The following EPHA7 variants were observed in gnomAD, a reference collection of about 807,000 sequenced individuals.
The protein encoded by EPHA7 is ephrin type-A receptor 7.
Under a neutral mutation model 112.6 loss-of-function variants are expected in EPHA7, and 25 were observed. The observed-to-expected ratio is 0.22, with a 90% confidence interval of 0.16 to 0.31. EPHA7 has a LOEUF of 0.31. EPHA7 is among the 10% of genes least tolerant of loss of function. EPHA7 has a pLI of 1.00. For synonymous variants in EPHA7, 437 were observed against 406.5 expected (o/e 1.07, Z -0.90); for missense variants, 962 against 1,212.6 (o/e 0.79, Z 3.07).
At chr6:93,412,747 C>T (rs479927) in intron 2 of EPHA7, among the ~76,000 whole-genome samples, 67,779 of 151,698 alleles carry the variant, frequency 0.45, 15,270 homozygotes, top group East Asian at 0.51. Context: ...ATGATATCTA[C>T]CAAAAAATCA....
chr6:93,254,342 C>T (rs1325683481), intron 14 of EPHA7, among the ~76,000 whole-genome samples: 1 of 152,112 alleles, frequency 6.6e-6, no homozygotes, highest in Non-Finnish European at 1.5e-5. Flanking sequence ...ATGTGATGCT[C>T]CCACTCCAGC....
intron 14 of EPHA7, among the ~76,000 whole-genome samples, chr6:93,253,348 A>C (rs1770299420): frequency 6.6e-6 from 1 of 152,130 alleles, no homozygotes; most frequent in Non-Finnish European, 1.5e-5. Context: ...ATATCAATAG[A>C]TATAACTGAT....
chr6:93,274,793 G>T (rs1001806055), intron 5 of EPHA7, among the ~76,000 whole-genome samples: 1 of 151,920 alleles, frequency 6.6e-6, no homozygotes, highest in East Asian at 1.9e-4. Flanking sequence ...TACAGGAAAC[G>T]TGATTATATT....
chr6:93,405,140 T>A (rs1292116410), intron 3 of EPHA7, among the ~76,000 whole-genome samples: 1 of 151,920 alleles, frequency 6.6e-6, no homozygotes, highest in Non-Finnish European at 1.5e-5. Flanking sequence ...CATTCATTGT[T>A]AGACTACCAT....
At chr6:93,343,517 C>A (rs1486411869) in intron 5 of EPHA7, among the ~76,000 whole-genome samples, 1 of 151,576 alleles carries the variant, frequency 6.6e-6, no homozygotes, top group Non-Finnish European at 1.5e-5. Flanking sequence ...GTTCTTCATT[C>A]CTAAAGGTTA....
chr6:93,287,965 T>A (rs1439744137), intron 5 of EPHA7, among the ~76,000 whole-genome samples: 3 of 152,194 alleles, frequency 2.0e-5, no homozygotes, highest in African/African-American at 7.2e-5. Context: ...GAAAATAGAA[T>A]TCTTTATACG....
chr6:93,247,054 T>G, intron 14 of EPHA7, 69 bp from the exon 15 acceptor site: 2 of 1,311,322 alleles, frequency 1.5e-6, no homozygotes, highest in Non-Finnish European at 2.1e-6. Flanking sequence ...AATTTCCTGG[T>G]AGGCAAAATG....
At chr6:93,250,034 T>G (rs1770134879) in intron 14 of EPHA7, among the ~76,000 whole-genome samples, 1 of 152,166 alleles carries the variant, frequency 6.6e-6, no homozygotes, top group South Asian at 2.1e-4. Context: ...AAAGTGAAAC[T>G]CCTAGCTATA....
At chr6:93,244,371 T>C (rs1350498782) in intron 16 of EPHA7, among the ~76,000 whole-genome samples, 1 of 152,130 alleles carries the variant, frequency 6.6e-6, no homozygotes, top group Non-Finnish European at 1.5e-5. Context: ...GTACGTGACA[T>C]TTCCTGGCAT....
chr6:93,374,330 A>G (rs1324089760), intron 3 of EPHA7, among the ~76,000 whole-genome samples: 1 of 152,148 alleles, frequency 6.6e-6, no homozygotes, highest in African/African-American at 2.4e-5. Context: ...GAATTTATAT[A>G]CATAGACAAA....
At chr6:93,363,302 C>T (rs1390327271) in intron 3 of EPHA7, among the ~76,000 whole-genome samples, 2 of 152,056 alleles carry the variant, frequency 1.3e-5, no homozygotes, top group African/African-American at 2.4e-5. Context: ...TCCCCTATAA[C>T]ACTGAGGAGG....
At chr6:93,289,365 A>G (rs1020859467) in intron 5 of EPHA7, among the ~76,000 whole-genome samples, 1 of 152,210 alleles carries the variant, frequency 6.6e-6, no homozygotes, top group Non-Finnish European at 1.5e-5. Context: ...TTTGATAACA[A>G]TGAATTACAA....
At chr6:93,387,856 C>T (rs1451757214) in intron 3 of EPHA7, among the ~76,000 whole-genome samples, 1 of 151,790 alleles carries the variant, frequency 6.6e-6, no homozygotes, top group Non-Finnish European at 1.5e-5. Context: ...TCCCCCAATA[C>T]CGGTGGATTA....
intron 3 of EPHA7, among the ~76,000 whole-genome samples, chr6:93,389,420 G>A (rs1191056083): frequency 1.3e-5 from 2 of 152,000 alleles, no homozygotes; most frequent in East Asian, 1.9e-4. Flanking sequence ...AGCTAATCAC[G>A]TGGTGGGTTC....
chr6:93,344,307 G>T (rs1775284094), intron 5 of EPHA7, among the ~76,000 whole-genome samples: 1 of 151,202 alleles, frequency 6.6e-6, no homozygotes, highest in African/African-American at 2.4e-5. Context: ...AGATTATCAG[G>T]TTCTCAACAA....
In EPHA7 at chr6:93,263,858, A is replaced by G; in HGVS notation, c.1798+2T>C. ...CATAATAAAGAAAAGCCAAACACTT[A>G]CAATGAAAGTAAAGCTCTTCATCGC... is the stretch of plus-strand genomic sequence containing the variant. On this transcript the variant is annotated splice_donor_variant, in intron 9 of 16. Transcript: ENST00000369303. LOFTEE classifies it high-confidence loss of function. 6.2e-7 allele frequency: 1 copy of G among 1,608,868 alleles called. No individual in the cohort carries two copies. The highest frequency in any genetic ancestry group is 1.1e-5 in the South Asian group (1 of 90,882).
chr6:93,388,849 G>A (rs140478100), intron 3 of EPHA7, among the ~76,000 whole-genome samples: 2 of 151,988 alleles, frequency 1.3e-5, no homozygotes, highest in South Asian at 4.1e-4. Flanking sequence ...TATTAAGAAA[G>A]ATCTTAGAAA....
At chr6:93,269,359 A>G (rs1207346306) in intron 7 of EPHA7, 118 bp downstream of exon 7, 3 of 726,994 alleles carry the variant, frequency 4.1e-6, no homozygotes, top group African/African-American at 1.9e-5. Context: ...ATGTACATAT[A>G]TATTTATTTG....
chr6:93,262,216 T>C (rs1218084283), intron 9 of EPHA7, among the ~76,000 whole-genome samples: 1 of 151,522 alleles, frequency 6.6e-6, no homozygotes, highest in Non-Finnish European at 1.5e-5. Flanking sequence ...TATTCTCACA[T>C]GTTATTAAAT....
Sources: allele counts gnomAD v4.1 joint callset (sites outside exome capture counted in the v4.1 genomes callset), GRCh38; gene constraint gnomAD v4.1.1; transcripts MANE v1.5; gene names NCBI Gene and HGNC (gene_info 2026-07-23, HGNC 2026-07-21).